Variants in KDM4B observed in about 807,000 individuals in gnomAD.
KDM4B encodes the protein lysine-specific demethylase 4B.
Under a neutral mutation model 125.2 loss-of-function variants are expected in KDM4B, and 32 were observed. The ratio of observed to expected loss-of-function variants is 0.26; its 90% confidence interval spans 0.19 to 0.34. KDM4B has a LOEUF of 0.34. Among genes scored for constraint, KDM4B ranks in the 10% least tolerant of loss-of-function variants. The probability of loss-of-function intolerance (pLI) is 1.00; values close to 1 mark genes in which losing one functional copy is unlikely to be tolerated. For missense variants in KDM4B, 1,190 were observed against 1,577.7 expected (o/e 0.75, Z 4.16); for synonymous variants, 721 against 677.9 (o/e 1.06, Z -0.99).
At position 5,100,284 on chromosome 19, in the gene KDM4B, T is replaced by C. The variant is rs138459430; in HGVS notation, c.919-10338T>C. Among the ~76,000 whole-genome samples the C allele has an allele frequency of 3.5e-4, 53 of 152,366 alleles. 1 individual carries two copies. In the East Asian group the frequency reaches 9.8e-3, roughly 28 times the overall value. ...AAACTTTCTTGAATGGTTTCATTGA[T>C]TATTTGCTCTCCTGTCTTTCTTGTT... On this transcript the variant is annotated intron_variant, in intron 9 of 22. Transcript: ENST00000159111.
chr19:5,117,491 G>T (rs1338447491), intron 10 of KDM4B, among the ~76,000 whole-genome samples: 12 of 152,148 alleles, frequency 7.9e-5, no homozygotes, highest in Admixed American at 7.2e-4. Context: ...TCCCAGACCA[G>T]GAGGGCAGCC....
Position 5,082,433 on chromosome 19 carries a change from G to C in KDM4B, c.847G>C (p.Gly283Arg), listed in dbSNP as rs1267828116. ...CGGCTACCACGCCGGCTTCAATCAC[G>C]GGTTCAACTGCGCAGAATCTACCAA... ...PYGYHAGFNH[G>R]FNCAESTNFA... The change falls in exon 9 of 23, where the codon GGG becomes CGG. Residue 283 changes from glycine (G) to arginine (R), a missense_variant. Gly to Arg is a moderately radical substitution (Grantham distance 125). Coordinates refer to ENST00000159111, the MANE Select transcript of KDM4B (RefSeq NM_015015.3). This position sits in a 1 kb window ranked among gnomAD's most constrained non-coding sequence, Gnocchi z 5.4. 1 of 1,613,618 alleles carries C rather than the reference G, an allele frequency of 6.2e-7. No homozygotes were observed.
intron 2 of KDM4B, among the ~76,000 whole-genome samples, chr19:5,016,841 C>G (rs2035907140): frequency 6.6e-6 from 1 of 152,210 alleles, no homozygotes; most frequent in African/African-American, 2.4e-5. Context: ...TTTCTTGTGC[C>G]TTTCTTATAA....
Position 5,146,655 on chromosome 19 carries a change from G to A in KDM4B, c.3021+1753G>A, listed in dbSNP as rs1048623757. ...TATGAGTTTCAGGTGGGCTGGGCGCGGTGGTTCACACCTGTAATCCCAGCA... is the reference window on the plus strand; with the variant it reads ...TATGAGTTTCAGGTGGGCTGGGCGCAGTGGTTCACACCTGTAATCCCAGCA... On this transcript the variant is annotated intron_variant, in intron 21 of 22. Coordinates refer to ENST00000159111, the MANE Select transcript of KDM4B (RefSeq NM_015015.3). 1.2e-4 allele frequency among the ~76,000 whole-genome samples: 18 copies of A among 152,002 alleles called. No homozygotes were observed. The East Asian group carries it at 1.6e-3, about 13-fold the overall frequency.
Position 5,114,156 on chromosome 19 carries a change from C to A in KDM4B, c.1115+3338C>A. 1 of 1,289,718 alleles carries A rather than the reference C, an allele frequency of 7.8e-7. No homozygotes were observed. The highest frequency in any genetic ancestry group is 1.2e-5 in the South Asian group (1 of 81,032). 79.9% of individuals were successfully genotyped at this position (1,289,718 alleles called of 1,614,324 possible). A position where few individuals can be genotyped will look rare whatever the true frequency, so the allele number is the denominator to read the frequency against. On this transcript the variant is annotated intron_variant, in intron 10 of 22. Coordinates refer to ENST00000159111, the MANE Select transcript of KDM4B (RefSeq NM_015015.3). This position sits in a 1 kb window ranked among gnomAD's most constrained non-coding sequence, Gnocchi z 5.8. ...GAGCCCTCACAGTGCTCTCTGGCAC[C>A]CACGCGACGCTCCTCCATGCAAACT... is the stretch of plus-strand genomic sequence containing the variant.
At chr19:5,051,069 C>T (rs949256606) in intron 6 of KDM4B, among the ~76,000 whole-genome samples, 3 of 151,996 alleles carry the variant, frequency 2.0e-5, no homozygotes, top group African/African-American at 7.2e-5. Flanking sequence ...CTGAGCCGCC[C>T]GGGCCAGGCA....
rs1034520360 is a variant in KDM4B, at chr19:5,134,136, C to T, written c.2085+75C>T. On this transcript the variant is annotated intron_variant, in intron 14 of 22. Transcript: ENST00000159111. Reference sequence around the variant, plus strand: ...GGGAGAGGGCGAGGGACCGGGCACCCCACACGCCTCCCTCTCTCACGCAGG... The same window carrying T: ...GGGAGAGGGCGAGGGACCGGGCACCTCACACGCCTCCCTCTCTCACGCAGG... 1.2e-5 allele frequency: 16 copies of T among 1,362,950 alleles called. No individual in the cohort carries two copies. The African/African-American group carries it at 2.0e-4, about 17-fold the overall frequency. 84.4% of individuals were successfully genotyped at this position (1,362,950 alleles called of 1,614,324 possible).
At chr19:5,065,139 C>T (rs2037728965) in intron 6 of KDM4B, among the ~76,000 whole-genome samples, 1 of 152,246 alleles carries the variant, frequency 6.6e-6, no homozygotes, top group African/African-American at 2.4e-5. Context: ...CGTCACCTAG[C>T]ACAGGAGGGG....
At chr19:5,079,980 C>G (rs2038237663) in intron 8 of KDM4B, among the ~76,000 whole-genome samples, 1 of 152,204 alleles carries the variant, frequency 6.6e-6, no homozygotes, top group South Asian at 2.1e-4. Context: ...ACGTCCTGCA[C>G]AGTGAGGGCC....
At chr19:5,099,730 G>A (rs1439981891) in intron 9 of KDM4B, among the ~76,000 whole-genome samples, 1 of 152,164 alleles carries the variant, frequency 6.6e-6, no homozygotes, top group East Asian at 1.9e-4. Flanking sequence ...GGAGATCAGA[G>A]CCCTTATAAA....
At chr19:5,084,808 C>T (rs1057128751) in intron 9 of KDM4B, among the ~76,000 whole-genome samples, 2 of 151,258 alleles carry the variant, frequency 1.3e-5, no homozygotes, top group East Asian at 1.9e-4. Context: ...AGTGAGGACC[C>T]GTCTCAAAGA....
At chr19:5,003,009 G>T (rs1284695709) in intron 1 of KDM4B, among the ~76,000 whole-genome samples, 1 of 152,214 alleles carries the variant, frequency 6.6e-6, no homozygotes, top group Non-Finnish European at 1.5e-5. Context: ...AGCTGTGGTT[G>T]TAAAGCCCTT....
chr19:5,145,829 G>A (rs1430480351), intron 21 of KDM4B, among the ~76,000 whole-genome samples: 1 of 152,178 alleles, frequency 6.6e-6, no homozygotes, highest in Non-Finnish European at 1.5e-5. Flanking sequence ...GGGTCAGTCG[G>A]TGACGTCCTG....
chr19:5,067,894 A>T (rs1469286726), intron 6 of KDM4B, among the ~76,000 whole-genome samples: 1 of 152,102 alleles, frequency 6.6e-6, no homozygotes, highest in Non-Finnish European at 1.5e-5. Context: ...AAGCTGATTG[A>T]TTTTGGCCGT....
At chr19:5,103,998 G>T (rs1265886101) in intron 9 of KDM4B, among the ~76,000 whole-genome samples, 1 of 152,238 alleles carries the variant, frequency 6.6e-6, no homozygotes, top group Non-Finnish European at 1.5e-5. Context: ...CATGGGGTGG[G>T]TGAGGAGCAG....
chr19:5,137,644 A>C lies in KDM4B; in HGVS notation c.2409A>C (p.Arg803=). ...WTAECCLCNL[R]GGALQMTTDR... is the part of the protein sequence containing the mutation. ...AGGAGTGCTGCCTGTGCAACCTGCG[A>C]GGAGGTGCGCTGCAGATGACCACCG... The change falls in exon 17 of 23, where the codon CGA becomes CGC. Residue 803 remains arginine, a synonymous_variant. Transcript: ENST00000159111. 6.2e-7 allele frequency: 1 copy of C among 1,602,300 alleles called. No individual in the cohort carries two copies. The highest frequency in any genetic ancestry group is 8.5e-7 in the Non-Finnish European group (1 of 1,178,068).
chr19:5,070,767 TCA>T, intron 6 of KDM4B: 1 of 450,622 alleles, frequency 2.2e-6, no homozygotes. Context: ...TCTGAGTGTG[TCA>T]CAAGCCACCG....
At chr19:4,973,573 C>T (rs1706980) in intron 1 of KDM4B, among the ~76,000 whole-genome samples, 55,334 of 151,938 alleles carry the variant, frequency 0.36, 10,594 homozygotes, top group East Asian at 0.73. Context: ...TTCCCAAATA[C>T]TGAGGGGGGA....
chr19:5,094,997 G>A (rs1479560952), intron 9 of KDM4B, among the ~76,000 whole-genome samples: 1 of 152,162 alleles, frequency 6.6e-6, no homozygotes, highest in Non-Finnish European at 1.5e-5. Context: ...GCCGGGGGCG[G>A]GGCAGGGGCA....
Sources: allele counts gnomAD v4.1 joint callset (sites outside exome capture counted in the v4.1 genomes callset), GRCh38; gene constraint gnomAD v4.1.1; non-coding constraint Gnocchi (gnomAD v3.1); transcripts MANE v1.5; gene names NCBI Gene and HGNC (gene_info 2026-07-23, HGNC 2026-07-21).